Variants in POC1B observed in about 807,000 individuals in gnomAD.
POC1B encodes the protein POC1 centriolar protein homolog B.
In POC1B, 44 loss-of-function variants were observed where a neutral mutation model predicts 60.6. The observed-to-expected ratio is 0.73, with a 90% CI of 0.57 to 0.93. The LOEUF (loss-of-function observed/expected upper bound fraction) is 0.93, where lower values mean the gene tolerates loss of function less well. POC1B is among the 40% of genes least tolerant of loss of function. POC1B has a pLI of 0.00. For synonymous variants in POC1B, 180 were observed against 198.9 expected (o/e 0.90, Z 0.80); for missense variants, 555 against 572.3 (o/e 0.97, Z 0.31).
At chr12:89,497,589 G>A (rs11105302) in intron 2 of POC1B, among the ~76,000 whole-genome samples, 29,190 of 152,042 alleles carry the variant, frequency 0.19, 3,235 homozygotes, top group South Asian at 0.36. Flanking sequence ...TTCAATTAGC[G>A]CTCAGTAACT....
intron 10 of POC1B, among the ~76,000 whole-genome samples, chr12:89,448,015 G>A (rs1779607077): frequency 6.6e-6 from 1 of 152,098 alleles, no homozygotes; most frequent in Non-Finnish European, 1.5e-5. Context: ...GAAACTGGAA[G>A]ACATAGCCTG....
chr12:89,404,812 A>T, the POC1B span, among the ~76,000 whole-genome samples: 1 of 152,182 alleles, frequency 6.6e-6, no homozygotes, highest in African/African-American at 2.4e-5. Flanking sequence ...ACAAGAAACT[A>T]ACTAATAGTT....
At chr12:89,478,077 A>ACATT (rs3990284) in intron 4 of POC1B, among the ~76,000 whole-genome samples, 1,864 of 149,022 alleles carry the variant, frequency 0.013, 17 homozygotes, top group Middle Eastern at 0.024. Flanking sequence ...GCCCACAACC[A>ACATT]CATTCATTCA....
At chr12:89,500,947 A>G in intron 2 of POC1B, 4 of 912,948 alleles carry the variant, frequency 4.4e-6, no homozygotes, top group Admixed American at 2.1e-5. Flanking sequence ...ATTGTTAGGC[A>G]TGGAGGAATT....
chr12:89,523,676 G>C, intron 2 of POC1B: 3 of 1,538,802 alleles, frequency 1.9e-6, no homozygotes, highest in Non-Finnish European at 1.7e-6. Context: ...TCCCTTTCCT[G>C]TTTGGGGACA....
chr12:89,492,507 T>C (rs138624460), intron 3 of POC1B, among the ~76,000 whole-genome samples: 65 of 152,298 alleles, frequency 4.3e-4, no homozygotes, highest in African/African-American at 1.6e-3. Flanking sequence ...ACATTGTATC[T>C]AGGACTCAGC....
intron 9 of POC1B, among the ~76,000 whole-genome samples, chr12:89,464,197 T>C (rs1283341480): frequency 6.6e-6 from 1 of 152,226 alleles, no homozygotes; most frequent in East Asian, 1.9e-4. Flanking sequence ...CCCAAGTAAC[T>C]GCATGTAAAT....
At chr12:89,429,422 A>G (rs767816596) in intron 10 of POC1B, 3 of 152,166 alleles carry the variant, frequency 2.0e-5, no homozygotes, top group Non-Finnish European at 4.4e-5. Flanking sequence ...CATTCCATTC[A>G]TAAGTATTTT....
intron 2 of POC1B, among the ~76,000 whole-genome samples, chr12:89,503,932 T>G (rs1162907743): frequency 2.0e-5 from 2 of 101,588 alleles, no homozygotes; most frequent in African/African-American, 7.9e-5. Flanking sequence ...GCAGCCACCC[T>G]GTCTGGGAAG....
At chr12:89,427,278 A>G (rs577537731) in intron 10 of POC1B, 1 of 152,370 alleles carries the variant, frequency 6.6e-6, no homozygotes, top group African/African-American at 2.4e-5. Flanking sequence ...AAGGTTGCCA[A>G]GACAATTTAA....
chr12:89,411,034 A>C, the POC1B span, among the ~76,000 whole-genome samples: 1 of 152,188 alleles, frequency 6.6e-6, no homozygotes, highest in Non-Finnish European at 1.5e-5. Context: ...CTATAAAGAT[A>C]ATTGAATACC....
At chr12:89,509,780 A>G (rs891884168) in intron 2 of POC1B, among the ~76,000 whole-genome samples, 8 of 152,176 alleles carry the variant, frequency 5.3e-5, no homozygotes, top group Non-Finnish European at 1.0e-4. Context: ...CTAAAATACA[A>G]ACAGTAGTTT....
At chr12:89,441,095 G>A (rs779817433) in intron 10 of POC1B, among the ~76,000 whole-genome samples, 70 of 152,248 alleles carry the variant, frequency 4.6e-4, no homozygotes, top group Admixed American at 7.8e-4. Context: ...TGAGGCTTGA[G>A]TAGATAAACA....
At chr12:89,487,331 G>A (rs1305909484) in intron 4 of POC1B, among the ~76,000 whole-genome samples, 2 of 152,148 alleles carry the variant, frequency 1.3e-5, no homozygotes, top group African/African-American at 4.8e-5. Context: ...CAGAAAACAG[G>A]GAATAGGCAG....
downstream of POC1B, among the ~76,000 whole-genome samples, chr12:89,415,122 A>G (rs1880342335): frequency 6.6e-6 from 1 of 152,216 alleles, no homozygotes; most frequent in Non-Finnish European, 1.5e-5. Flanking sequence ...GAGTTGCTCA[A>G]TTGCCAGCAT....
At chr12:89,450,072 A>C (rs1251756967) in intron 10 of POC1B, among the ~76,000 whole-genome samples, 1 of 152,224 alleles carries the variant, frequency 6.6e-6, no homozygotes, top group African/African-American at 2.4e-5. Flanking sequence ...ATTTCTTTGC[A>C]TAGAATCCAA....
chr12:89,416,495 G>A (rs779810269), downstream of POC1B, among the ~76,000 whole-genome samples: 2 of 152,164 alleles, frequency 1.3e-5, no homozygotes, highest in Non-Finnish European at 1.5e-5. Flanking sequence ...AAATAACCTC[G>A]AAAAGGTAAG....
At chr12:89,504,003 C>A (rs1197712098) in intron 2 of POC1B, among the ~76,000 whole-genome samples, 1 of 151,752 alleles carries the variant, frequency 6.6e-6, no homozygotes, top group Non-Finnish European at 1.5e-5. Context: ...GCGCCTCTGC[C>A]CGGCCGCCGC....
intron 10 of POC1B, among the ~76,000 whole-genome samples, chr12:89,456,403 G>A (rs1478298285): frequency 1.3e-5 from 2 of 152,228 alleles, no homozygotes; most frequent in South Asian, 2.1e-4. Context: ...GGGACATCCC[G>A]TGTAGCCACA....
Sources: gnomAD v4.1 joint callset for allele counts (sites outside exome capture counted in the v4.1 genomes callset) on GRCh38, gnomAD v4.1.1 for gene constraint, MANE v1.5 for transcripts, NCBI Gene and HGNC (gene_info 2026-07-23, HGNC 2026-07-21) for gene names.